Variants in EDIL3 observed in about 807,000 individuals in gnomAD.
EDIL3 encodes the protein EGF like and discoidin domains 3, also known as EGF-like repeat and discoidin I-like domain-containing protein 3.
EDIL3 carries 37 observed loss-of-function variants against 67.4 expected under a neutral mutation model. The observed-to-expected ratio is 0.55, with a 90% CI of 0.42 to 0.72. The LOEUF is 0.72. EDIL3 is among the 30% of genes least tolerant of loss of function. The pLI is 0.00. For missense variants in EDIL3, 527 were observed against 586.3 expected (o/e 0.90, Z 1.04); for synonymous variants, 195 against 196.3 (o/e 0.99, Z 0.05).
intron 9 of EDIL3, among the ~76,000 whole-genome samples, chr5:84,054,874 G>A (rs1201180259): frequency 1.4e-5 from 2 of 146,258 alleles, no homozygotes; most frequent in South Asian, 2.2e-4. Context: ...CGTGAAAATG[G>A]CCATACTGCC....
At chr5:84,059,882 G>A (rs1048993135) in intron 9 of EDIL3, among the ~76,000 whole-genome samples, 1 of 152,156 alleles carries the variant, frequency 6.6e-6, no homozygotes, top group Admixed American at 6.6e-5. Flanking sequence ...CAGGTAAGGA[G>A]CTAATATGTC....
intron 9 of EDIL3, among the ~76,000 whole-genome samples, chr5:83,970,797 G>C (rs1394608160): frequency 6.6e-6 from 1 of 150,712 alleles, no homozygotes; most frequent in Non-Finnish European, 1.5e-5. Flanking sequence ...GAAATTAATA[G>C]TATTAATCAT....
chr5:84,101,778 C>G (rs1747369525), intron 6 of EDIL3, among the ~76,000 whole-genome samples: 1 of 151,994 alleles, frequency 6.6e-6, no homozygotes, highest in Admixed American at 6.6e-5. Flanking sequence ...TAACACTACT[C>G]CAAACAATCG....
At chr5:84,139,581 C>A (rs1748153633) in intron 4 of EDIL3, among the ~76,000 whole-genome samples, 1 of 152,040 alleles carries the variant, frequency 6.6e-6, no homozygotes. Context: ...TTGGAACATG[C>A]CCAATATGTC....
intron 1 of EDIL3, among the ~76,000 whole-genome samples, chr5:84,255,451 T>C (rs998731343): frequency 6.6e-6 from 1 of 152,128 alleles, no homozygotes; most frequent in Non-Finnish European, 1.5e-5. Context: ...GAATCATGGG[T>C]GTGGCTTTAT....
chr5:84,102,665 T>C (rs1157179258), intron 6 of EDIL3, among the ~76,000 whole-genome samples: 1 of 149,622 alleles, frequency 6.7e-6, no homozygotes, highest in African/African-American at 2.4e-5. Context: ...ATACAGCTTA[T>C]CAGGGAAATA....
chr5:83,963,809 C>T (rs1042151200), intron 9 of EDIL3, among the ~76,000 whole-genome samples: 3 of 151,674 alleles, frequency 2.0e-5, no homozygotes, highest in Non-Finnish European at 4.4e-5. Flanking sequence ...GTAGCTGTGT[C>T]CACATCAGGG....
At chr5:83,963,412 T>C (rs1188700664) in intron 9 of EDIL3, 52 bp from the exon 10 acceptor site, 4 of 1,529,704 alleles carry the variant, frequency 2.6e-6, no homozygotes, top group Non-Finnish European at 3.5e-6. Flanking sequence ...AGTTGTAAAC[T>C]TCCAAGTCTT....
At chr5:83,978,735 G>A (rs1017057481) in intron 9 of EDIL3, among the ~76,000 whole-genome samples, 9 of 151,940 alleles carry the variant, frequency 5.9e-5, no homozygotes, top group Admixed American at 2.6e-4. Flanking sequence ...ACAACCCAAC[G>A]GAAGTTGGAC....
intron 1 of EDIL3, among the ~76,000 whole-genome samples, chr5:84,362,750 G>A (rs1172346712): frequency 6.6e-6 from 1 of 152,022 alleles, no homozygotes; most frequent in Non-Finnish European, 1.5e-5. Flanking sequence ...TCAGAAACCT[G>A]AAACCTCCAA....
At chr5:84,253,929 T>C (rs1400928680) in intron 2 of EDIL3, among the ~76,000 whole-genome samples, 155 bp downstream of exon 2, 38 of 152,084 alleles carry the variant, frequency 2.5e-4, no homozygotes, top group Admixed American at 2.5e-3. Flanking sequence ...CAATATAAAC[T>C]GGAAATGATA....
chr5:84,315,894 A>T (rs1217368132), intron 1 of EDIL3, among the ~76,000 whole-genome samples: 1 of 152,238 alleles, frequency 6.6e-6, no homozygotes, highest in Non-Finnish European at 1.5e-5. Flanking sequence ...GAAGCCCATC[A>T]GACTAACAGC....
rs111501899 is a variant in EDIL3 at position 84,257,727 on chromosome 5, A to G, written c.68-3515T>C. 3.2e-3 allele frequency among the ~76,000 whole-genome samples: 493 copies of G among 152,294 alleles called. 2 individuals carry two copies. The highest frequency in any genetic ancestry group is 0.011 in the African/African-American group (465 of 41,566). ...TCCGATTAAGCTATTATATAAGTAG[A>G]TGTAGAATTAAAGAGCCTCTGCTTA... On this transcript the variant is annotated intron_variant, in intron 1 of 10. Transcript: ENST00000296591.
At chr5:84,202,032 A>T (rs1255361018) in intron 3 of EDIL3, among the ~76,000 whole-genome samples, 1 of 152,216 alleles carries the variant, frequency 6.6e-6, no homozygotes. Flanking sequence ...TAGTCTAGTC[A>T]TTAAGACTTC....
At chr5:84,332,149 G>T (rs932670150) in intron 1 of EDIL3, among the ~76,000 whole-genome samples, 1 of 151,950 alleles carries the variant, frequency 6.6e-6, no homozygotes, top group African/African-American at 2.4e-5. Context: ...TGGGAGGATC[G>T]CTTGAGGCTA....
intron 10 of EDIL3, among the ~76,000 whole-genome samples, chr5:83,961,336 T>C (rs557532475): frequency 1.2e-3 from 181 of 151,230 alleles, no homozygotes; most frequent in African/African-American, 4.2e-3. Context: ...TCAGCAAAGA[T>C]ATAGAAAACC....
intron 3 of EDIL3, among the ~76,000 whole-genome samples, chr5:84,208,451 G>C (rs978890851): frequency 4.8e-4 from 73 of 151,490 alleles, no homozygotes; most frequent in African/African-American, 1.8e-3. Flanking sequence ...AGGCCGAGGC[G>C]GGTGGATCAT....
intron 5 of EDIL3, 112 bp from the exon 6 acceptor site, chr5:84,106,942 G>T: frequency 1.7e-6 from 2 of 1,159,482 alleles, no homozygotes; most frequent in Non-Finnish European, 2.4e-6. Flanking sequence ...GCACCACCAT[G>T]CTATTTACTC....
At chr5:84,283,248 A>G (rs1286567296) in intron 1 of EDIL3, among the ~76,000 whole-genome samples, 1 of 152,174 alleles carries the variant, frequency 6.6e-6, no homozygotes, top group Non-Finnish European at 1.5e-5. Flanking sequence ...TGTTGATGAT[A>G]CAATAATCAT....
Sources: allele counts gnomAD v4.1 joint callset (sites outside exome capture counted in the v4.1 genomes callset), GRCh38; gene constraint gnomAD v4.1.1; transcripts MANE v1.5; gene names NCBI Gene and HGNC (gene_info 2026-07-23, HGNC 2026-07-21).